Variants in EMB observed in about 807,000 individuals in gnomAD.
The protein encoded by EMB is embigin.
In EMB, 31 loss-of-function variants were observed where a neutral mutation model predicts 41.4. The ratio of observed to expected loss-of-function variants is 0.75; its 90% CI spans 0.56 to 1.01. The LOEUF (loss-of-function observed/expected upper bound fraction) is 1.01. Ranked by LOEUF, EMB falls within the 50% of genes least tolerant of loss-of-function variation. EMB has a pLI of 0.00. For missense variants in EMB, 379 were observed against 388.3 expected, an observed-to-expected ratio of 0.98 and a Z score of 0.20; for synonymous variants, 137 against 140.4, an observed-to-expected ratio of 0.98 and a Z score of 0.17.
chr5:50,441,345 G>A (rs967897858), upstream of EMB: 204 of 379,880 alleles, frequency 5.4e-4, 1 homozygote, highest in African/African-American at 3.4e-3. Flanking sequence ...CTCTTACCGC[G>A]CCCGGCCCTC....
intron 1 of EMB, among the ~76,000 whole-genome samples, chr5:50,440,696 C>G (rs1745890609): frequency 6.6e-6 from 1 of 152,072 alleles, no homozygotes. Flanking sequence ...CAAGCCAAGT[C>G]GCTAGCTGGT....
intron 1 of EMB, among the ~76,000 whole-genome samples, chr5:50,430,366 C>T (rs1442467315): frequency 6.6e-6 from 1 of 152,130 alleles, no homozygotes; most frequent in Non-Finnish European, 1.5e-5. Context: ...AAGCCCATAA[C>T]CTTTTTGAGA....
Position 50,441,232 on chromosome 5 carries a change from ACTCGCAGGTGGCCCGGCG to A in EMB, c.-99_-82del. Reference sequence around the variant, plus strand: ...GCGGGTGTCCAGAGTCCCTGCGCACACTCGCAGGTGGCCCGGCGCTCGCAGCCAGTGCCGCGGGTAGGA... The same window carrying A: ...GCGGGTGTCCAGAGTCCCTGCGCACACTCGCAGCCAGTGCCGCGGGTAGGA... On this transcript the variant is annotated 5_prime_UTR_variant, in exon 1 of 9. Coordinates refer to ENST00000303221, the MANE Select transcript of EMB (RefSeq NM_198449.3). The A allele has an allele frequency of 1.2e-6, 1 of 819,476 alleles. No homozygotes were observed. Among genetic ancestry groups the A allele is most frequent in the Non-Finnish European group, 1.7e-6 (1 of 604,374 alleles). 50.8% of individuals were successfully genotyped at this position (819,476 alleles called of 1,614,324 possible).
At chr5:50,402,004 T>C (rs1745170051) in intron 7 of EMB, among the ~76,000 whole-genome samples, 1 of 151,954 alleles carries the variant, frequency 6.6e-6, no homozygotes, top group African/African-American at 2.4e-5. Context: ...TTTACACATA[T>C]ATAATATTCA....
Position 50,397,310 on chromosome 5 carries a change from T to G in EMB, c.*1963A>C, listed in dbSNP as rs1745085416. ...GACTACAAAAAGCCAAAAGTCAACT[T>G]TAATTTTTGAGTACTTTTCCTATTT... On this transcript the variant is annotated 3_prime_UTR_variant, in exon 9 of 9. Transcript: ENST00000303221. 1 of 152,144 alleles carries G rather than the reference T, an allele frequency of 6.6e-6. No homozygotes were observed. The highest frequency in any genetic ancestry group is 2.4e-5 in the African/African-American group (1 of 41,442). 9.4% of individuals were successfully genotyped at this position (152,144 alleles called of 1,614,324 possible).
At chr5:50,432,453 T>C (rs756631112) in intron 1 of EMB, among the ~76,000 whole-genome samples, 4 of 152,070 alleles carry the variant, frequency 2.6e-5, no homozygotes, top group Non-Finnish European at 4.4e-5. Context: ...AAAATAGAGA[T>C]TTGGAAATAA....
At chr5:50,428,272 A>T in intron 1 of EMB, 45 bp from the exon 2 acceptor site, 1 of 1,441,632 alleles carries the variant, frequency 6.9e-7, no homozygotes, top group Non-Finnish European at 9.6e-7. Flanking sequence ...ATCAAGAGTA[A>T]ATGACTATCT....
chr5:50,413,202 A>C (rs1309492127), intron 2 of EMB, among the ~76,000 whole-genome samples: 1 of 152,240 alleles, frequency 6.6e-6, no homozygotes, highest in Non-Finnish European at 1.5e-5. Context: ...ACCAAACAGT[A>C]GAGAAAATAA....
intron 7 of EMB, among the ~76,000 whole-genome samples, chr5:50,400,372 A>G (rs1257777178): frequency 2.6e-5 from 4 of 152,006 alleles, no homozygotes; most frequent in African/African-American, 7.2e-5. Context: ...CAGATTCTAA[A>G]GATTGACGGA....
At chr5:50,407,951 C>A (rs1171561792) in intron 4 of EMB, among the ~76,000 whole-genome samples, 2 of 151,824 alleles carry the variant, frequency 1.3e-5, no homozygotes, top group African/African-American at 2.4e-5. Context: ...ACAAATTGGC[C>A]TAAATGTCAT....
chr5:50,419,145 T>C (rs1486926559), intron 2 of EMB, among the ~76,000 whole-genome samples: 4 of 152,214 alleles, frequency 2.6e-5, no homozygotes, highest in Non-Finnish European at 4.4e-5. Context: ...GATCAGCCAG[T>C]CCCTGGCCCT....
intron 2 of EMB, among the ~76,000 whole-genome samples, chr5:50,425,637 A>G (rs1277014059): frequency 1.3e-5 from 2 of 152,090 alleles, no homozygotes; most frequent in Non-Finnish European, 2.9e-5. Context: ...GAGAGCAGAA[A>G]AAATACTTTT....
At chr5:50,424,613 T>A (rs1745580839) in intron 2 of EMB, among the ~76,000 whole-genome samples, 1 of 152,158 alleles carries the variant, frequency 6.6e-6, no homozygotes, top group Non-Finnish European at 1.5e-5. Flanking sequence ...GATAAGGGGA[T>A]GGGAAACATG....
chr5:50,440,468 G>A (rs1359405583), intron 1 of EMB, among the ~76,000 whole-genome samples: 8 of 149,810 alleles, frequency 5.3e-5, no homozygotes, highest in Non-Finnish European at 1.2e-4. Flanking sequence ...GGGAGGAGGA[G>A]GTTGCGGTGA....
chr5:50,431,197 C>T lies in EMB; in HGVS notation c.113-2970G>A, dbSNP rs549176929. Among the ~76,000 whole-genome samples the T allele has an allele frequency of 5.3e-5, 8 of 152,312 alleles. No individual in the cohort carries two copies. The South Asian group carries it at 1.5e-3, about 28-fold the overall frequency. On this transcript the variant is annotated intron_variant, in intron 1 of 8. Transcript: ENST00000303221. ...AAGAACACGTGTAACTGCTGTGTGA[C>T]TTTTGCCTTGGGAAAAGTCCCTTAA...
At chr5:50,436,186 T>C (rs1019807776) in intron 1 of EMB, among the ~76,000 whole-genome samples, 4 of 152,188 alleles carry the variant, frequency 2.6e-5, no homozygotes, top group African/African-American at 4.8e-5. Context: ...CTTATGTATA[T>C]GATATGCATG....
intron 2 of EMB, among the ~76,000 whole-genome samples, chr5:50,416,222 C>T (rs1309577813): frequency 3.3e-5 from 5 of 152,220 alleles, no homozygotes; most frequent in African/African-American, 1.2e-4. Context: ...AACTGCAATG[C>T]ATTTTTGCTG....
intron 1 of EMB, among the ~76,000 whole-genome samples, chr5:50,436,512 T>C (rs1162322666): frequency 6.6e-6 from 1 of 152,184 alleles, no homozygotes; most frequent in Non-Finnish European, 1.5e-5. Flanking sequence ...CCAACCTCCA[T>C]CGCTGGTCTG....
chr5:50,403,906 ATG>A (rs1745208166), intron 5 of EMB, among the ~76,000 whole-genome samples: 1 of 151,940 alleles, frequency 6.6e-6, no homozygotes, highest in South Asian at 2.1e-4. Context: ...CACTCAGACA[ATG>A]TGATTTCCCC....
Sources: allele counts gnomAD v4.1 joint callset (sites outside exome capture counted in the v4.1 genomes callset), GRCh38; gene constraint gnomAD v4.1.1; transcripts MANE v1.5; gene names NCBI Gene and HGNC (gene_info 2026-07-23, HGNC 2026-07-21).